MINDY2: variants seen among roughly 807,000 people sequenced by gnomAD.
MINDY2 encodes the protein ubiquitin carboxyl-terminal hydrolase MINDY-2.
Under a neutral mutation model 68.2 loss-of-function variants are expected in MINDY2, and 52 were observed. The observed-to-expected ratio is 0.76, with a 90% CI of 0.61 to 0.96. MINDY2 has a LOEUF of 0.96. Ranked by LOEUF, MINDY2 falls within the 40% of genes least tolerant of loss-of-function variation. The pLI is 0.00. For synonymous variants in MINDY2, 372 were observed against 303.0 expected, an observed-to-expected ratio of 1.23 and a Z score of -2.36; for missense variants, 881 against 773.4, an observed-to-expected ratio of 1.14 and a Z score of -1.65.
chr15:58,821,922 C>T lies in MINDY2; in HGVS notation c.1225+103C>T, dbSNP rs1386888026. ...TTTCTTAAATAAGACTTCTAAAAAA[C>T]ACATGTTATATTACTTGTATGAATT... On this transcript the variant is annotated intron_variant, in intron 5 of 8. Transcript: ENST00000559228. 10 of 709,782 alleles carry T rather than the reference C, an allele frequency of 1.4e-5. No individual in the cohort carries two copies. In the South Asian group the frequency reaches 1.6e-4, roughly 12 times the overall value. The allele number at this position is 709,782 out of a possible 1,614,324, so 44.0% of individuals were successfully genotyped here.
At chr15:58,845,710 G>T (rs1293269979) in intron 6 of MINDY2, among the ~76,000 whole-genome samples, 2 of 152,130 alleles carry the variant, frequency 1.3e-5, no homozygotes, top group African/African-American at 4.8e-5. Context: ...ATACTCAAAA[G>T]AAAGGAAATC....
At position 58,809,505 on chromosome 15, in the gene MINDY2, G is replaced by A. The variant is rs546551693; in HGVS notation, c.964-725G>A. Among the ~76,000 whole-genome samples the A allele has an allele frequency of 7.9e-5, 12 of 152,130 alleles. No individual in the cohort carries two copies. The East Asian group carries it at 2.3e-3, about 29-fold the overall frequency. On this transcript the variant is annotated intron_variant, in intron 3 of 8. Transcript: ENST00000559228. ...TAACTAAGAATAGATAAAGAATTAT[G>A]AATAATGTTGCAATGAGCGTGGGTG...
At chr15:58,822,553 T>C (rs1341224952) in intron 5 of MINDY2, among the ~76,000 whole-genome samples, 1 of 152,232 alleles carries the variant, frequency 6.6e-6, no homozygotes, top group Non-Finnish European at 1.5e-5. Flanking sequence ...CTGCTTTATA[T>C]TTCAGTATAA....
chr15:58,821,343 AC>A (rs1409236036), intron 4 of MINDY2, among the ~76,000 whole-genome samples: 2 of 151,582 alleles, frequency 1.3e-5, no homozygotes, highest in African/African-American at 4.8e-5. Flanking sequence ...AAAAAAAAAA[AC>A]TTGATACTTT....
At chr15:58,845,356 A>G (rs1163524177) in intron 6 of MINDY2, among the ~76,000 whole-genome samples, 1 of 152,190 alleles carries the variant, frequency 6.6e-6, no homozygotes, top group African/African-American at 2.4e-5. Context: ...CAGTGAGCCA[A>G]GGTCACACCA....
chr15:58,778,802 CTTTTTTTCTT>C (rs1900941341), intron 1 of MINDY2, among the ~76,000 whole-genome samples: 1 of 127,226 alleles, frequency 7.9e-6, no homozygotes, highest in South Asian at 2.4e-4. Context: ...AATTTTTTTT[CTTTTTTTCTT>C]TTTTTTTTTT....
chr15:58,849,592 G>A lies in MINDY2; in HGVS notation c.1542+2122G>A, dbSNP rs575443531. ...GATAAGGTGTTGAGATTGTTATCTG[G>A]AAGCAGCAAGAAAGAGGTGGATTCA... On this transcript the variant is annotated intron_variant, in intron 7 of 8. Transcript: ENST00000559228. Among the ~76,000 whole-genome samples the A allele has an allele frequency of 1.5e-4, 23 of 152,318 alleles. 1 individual carries two copies. In the South Asian group the frequency reaches 3.5e-3, roughly 23 times the overall value.
chr15:58,848,276 A>G (rs541631591), intron 7 of MINDY2, among the ~76,000 whole-genome samples: 8 of 152,288 alleles, frequency 5.3e-5, no homozygotes, highest in East Asian at 1.9e-4. Context: ...CAGTTAGCCA[A>G]TATTCACTGA....
rs1900429290 is a variant in MINDY2, at chr15:58,771,811, G to A, written c.416G>A (p.Cys139Tyr). The change falls in exon 1 of 9, where the codon TGC (cysteine) becomes TAC (tyrosine). Residue 139 changes from cysteine (C) to tyrosine (Y), a missense_variant. Physicochemically the swap from Cys to Tyr is radical, Grantham distance 194. Coordinates refer to ENST00000559228, the MANE Select transcript of MINDY2 (RefSeq NM_001040450.3). ...AGARPDLAGT[C>Y]QAELTAAGSE... is the part of the protein sequence containing the mutation. ...GCCCGCCCGGATCTCGCCGGCACCTGCCAAGCAGAACTGACCGCCGCCGGC... is the reference window on the plus strand; with the variant it reads ...GCCCGCCCGGATCTCGCCGGCACCTACCAAGCAGAACTGACCGCCGCCGGC... 1 of 1,610,052 alleles carries A rather than the reference G, an allele frequency of 6.2e-7. No individual in the cohort carries two copies. Among genetic ancestry groups the A allele is most frequent in the Non-Finnish European group, 8.5e-7 (1 of 1,178,928 alleles).
At chr15:58,843,855 A>AAT (rs398027493) in intron 6 of MINDY2, among the ~76,000 whole-genome samples, 9 of 148,386 alleles carry the variant, frequency 6.1e-5, no homozygotes. Flanking sequence ...AAAAAAAAAA[A>AAT]TCCTGACAAT....
At chr15:58,852,706 T>G (rs2140873366) in intron 8 of MINDY2, among the ~76,000 whole-genome samples, 1 of 152,256 alleles carries the variant, frequency 6.6e-6, no homozygotes, top group Middle Eastern at 3.4e-3. Context: ...CTCTTAAGTT[T>G]GTTGTGAAGA....
rs1262243073 is a variant in MINDY2, at chr15:58,861,835, AAC to A, written c.*7228_*7229del. ...ATACTTAAAACTGTAACCAGTGAAT[AAC>A]ACCTGTAGTATTTTTTATTATAGAT... is the stretch of plus-strand genomic sequence containing the variant. On this transcript the variant is annotated 3_prime_UTR_variant, in exon 9 of 9. Coordinates refer to ENST00000559228, the MANE Select transcript of MINDY2 (RefSeq NM_001040450.3). 2.0e-5 allele frequency: 3 copies of A among 152,338 alleles called. No individual in the cohort carries two copies. The East Asian group carries it at 5.8e-4, about 29-fold the overall frequency. 9.4% of individuals were successfully genotyped at this position (152,338 alleles called of 1,614,324 possible). A position where few individuals can be genotyped will look rare whatever the true frequency, so the allele number is the denominator to read the frequency against.
intron 4 of MINDY2, among the ~76,000 whole-genome samples, chr15:58,819,545 G>A (rs1313925978): frequency 6.6e-6 from 1 of 152,042 alleles, no homozygotes; most frequent in African/African-American, 2.4e-5. Flanking sequence ...CAGGAGTTTT[G>A]CTGTGTTACT....
chr15:58,831,918 T>C lies in MINDY2; in HGVS notation c.1368+2T>C. On this transcript the variant is annotated splice_donor_variant, in intron 6 of 8. Transcript: ENST00000559228. LOFTEE classifies it high-confidence loss of function. Reference sequence around the variant, plus strand: ...TTTAGCACCATGACCAAATACAAGGTATGATATAGAAATAGCTATTTAATC... The same window carrying C: ...TTTAGCACCATGACCAAATACAAGGCATGATATAGAAATAGCTATTTAATC... The C allele has an allele frequency of 6.2e-7, 1 of 1,609,254 alleles. No homozygotes were observed. Among genetic ancestry groups the C allele is most frequent in the Non-Finnish European group, 8.5e-7 (1 of 1,178,502 alleles).
intron 6 of MINDY2, among the ~76,000 whole-genome samples, chr15:58,835,984 G>A (rs965092140): frequency 7.2e-5 from 11 of 151,774 alleles, no homozygotes; most frequent in Non-Finnish European, 1.0e-4. Flanking sequence ...ATCTCGGCTC[G>A]CTGCAAGCTC....
chr15:58,794,289 G>C (rs1230763683), intron 2 of MINDY2, among the ~76,000 whole-genome samples: 1 of 151,738 alleles, frequency 6.6e-6, no homozygotes, highest in African/African-American at 2.4e-5. Context: ...GGAATTTTTG[G>C]TAATAATGAA....
intron 2 of MINDY2, chr15:58,796,225 T>C (rs1902275930): frequency 2.2e-6 from 1 of 445,094 alleles, no homozygotes; most frequent in Non-Finnish European, 4.5e-6. Context: ...CTTTGAAGCA[T>C]AGTTAGAATC....
At chr15:58,795,724 A>G (rs1397496979) in intron 2 of MINDY2, among the ~76,000 whole-genome samples, 1 of 151,620 alleles carries the variant, frequency 6.6e-6, no homozygotes, top group East Asian at 1.9e-4. Context: ...GTTTTTTTGT[A>G]CTGTGGCCCT....
In MINDY2 at chr15:58,860,863, G is replaced by GT. The variant is rs2033200036; in HGVS notation, c.*6254dup. ...ATGTGAAATAAGCAGTTTTTTCAGGGTACATAGGGTATCTTTGTTTTACAG... is the reference window on the plus strand; with the variant it reads ...ATGTGAAATAAGCAGTTTTTTCAGGGTTACATAGGGTATCTTTGTTTTACAG... On this transcript the variant is annotated 3_prime_UTR_variant, in exon 9 of 9. Transcript: ENST00000559228. 6.6e-6 allele frequency: 1 copy of GT among 152,032 alleles called. No individual in the cohort carries two copies. The highest frequency in any genetic ancestry group is 2.4e-5 in the African/African-American group (1 of 41,384). 9.4% of individuals were successfully genotyped at this position (152,032 alleles called of 1,614,324 possible). A position where few individuals can be genotyped will look rare whatever the true frequency, so the allele number is the denominator to read the frequency against.
Sources: gnomAD v4.1 joint callset for allele counts (sites outside exome capture counted in the v4.1 genomes callset) on GRCh38, gnomAD v4.1.1 for gene constraint, MANE v1.5 for transcripts, NCBI Gene and HGNC (gene_info 2026-07-23, HGNC 2026-07-21) for gene names.